The following FGF12 variants were observed in gnomAD, a reference collection of about 807,000 sequenced individuals.
The protein encoded by FGF12 is fibroblast growth factor 12, also known as fibroblast growth factor 12B.
A neutral mutation model predicts 23.6 loss-of-function variants in FGF12; 14 were observed. The ratio of observed to expected loss-of-function variants is 0.59; its 90% CI spans 0.39 to 0.93. The LOEUF is 0.93. Among genes scored for constraint, FGF12 ranks in the 40% least tolerant of loss-of-function variants. The probability of loss-of-function intolerance (pLI) is 0.00; values close to 1 mark genes in which losing one functional copy is unlikely to be tolerated. For missense variants in FGF12, 175 were observed against 217.8 expected (o/e 0.80, Z 1.24); for synonymous variants, 62 against 77.3 (o/e 0.80, Z 1.04).
rs1016705559 is a variant in FGF12, at chr3:192,394,107, T to C, written c.14-33569A>G. Among the ~76,000 whole-genome samples, 6 of 152,206 alleles carry C rather than the reference T, an allele frequency of 3.9e-5. No individual in the cohort carries two copies. In the East Asian group the frequency reaches 1.2e-3, roughly 29 times the overall value. On this transcript the variant is annotated intron_variant, in intron 2 of 5. Transcript: ENST00000445105. Reference sequence around the variant, plus strand: ...AGTCTCCAGCTTTCACTCAAAATCATGTGGTTCCTTTCCTGTCTGTTTTTT... The same window carrying C: ...AGTCTCCAGCTTTCACTCAAAATCACGTGGTTCCTTTCCTGTCTGTTTTTT...
intron 5 of FGF12, among the ~76,000 whole-genome samples, chr3:192,160,941 G>A (rs1212108283): frequency 6.6e-6 from 1 of 151,884 alleles, no homozygotes; most frequent in Non-Finnish European, 1.5e-5. Flanking sequence ...AATACTATAC[G>A]GTAGACAATA....
intron 2 of FGF12, among the ~76,000 whole-genome samples, chr3:192,701,792 T>C (rs758764590): frequency 3.0e-4 from 46 of 152,334 alleles, no homozygotes; most frequent in Non-Finnish European, 5.6e-4. Flanking sequence ...GTATACAACA[T>C]GATGTTTTCA....
chr3:192,337,442 G>C (rs1717474189), intron 3 of FGF12, among the ~76,000 whole-genome samples: 1 of 152,034 alleles, frequency 6.6e-6, no homozygotes, highest in South Asian at 2.1e-4. Flanking sequence ...ATATTGGGGG[G>C]AAATGAGAAA....
chr3:192,274,603 G>A (rs931491847), intron 4 of FGF12, among the ~76,000 whole-genome samples: 2 of 151,692 alleles, frequency 1.3e-5, no homozygotes, highest in African/African-American at 2.4e-5. Flanking sequence ...AAGAGAGAGA[G>A]ATAGAATATA....
intron 2 of FGF12, among the ~76,000 whole-genome samples, chr3:192,596,193 A>C (rs930544413): frequency 1.4e-5 from 2 of 144,732 alleles, no homozygotes; most frequent in African/African-American, 5.2e-5. Context: ...ATTTCTCATG[A>C]TGCCTACTCT....
chr3:192,329,950 GA>G (rs1476163539), intron 4 of FGF12, among the ~76,000 whole-genome samples: 1 of 152,016 alleles, frequency 6.6e-6, no homozygotes, highest in Non-Finnish European at 1.5e-5. Flanking sequence ...GATGCATTAA[GA>G]ACTTTTTATT....
chr3:192,194,630 A>G (rs187672811), intron 4 of FGF12, among the ~76,000 whole-genome samples: 8 of 152,290 alleles, frequency 5.3e-5, no homozygotes, highest in African/African-American at 1.9e-4. Context: ...CATGACTATC[A>G]TATGGATGGA....
At chr3:192,256,885 G>A (rs1712429720) in intron 4 of FGF12, among the ~76,000 whole-genome samples, 1 of 152,188 alleles carries the variant, frequency 6.6e-6, no homozygotes, top group East Asian at 1.9e-4. Context: ...GCTTGGATCT[G>A]GTTAGTGACT....
intron 5 of FGF12, among the ~76,000 whole-genome samples, chr3:192,169,516 G>A (rs192548757): frequency 2.0e-5 from 3 of 152,188 alleles, no homozygotes; most frequent in East Asian, 3.9e-4. Flanking sequence ...TGCAGTCACC[G>A]TGCTATGTAC....
At chr3:192,583,602 C>T (rs1193832725) in intron 2 of FGF12, among the ~76,000 whole-genome samples, 2 of 151,820 alleles carry the variant, frequency 1.3e-5, no homozygotes, top group East Asian at 3.9e-4. Flanking sequence ...TAAAATGGAT[C>T]AGAAAAAAAA....
At chr3:192,519,612 T>C (rs1340252163) in intron 2 of FGF12, among the ~76,000 whole-genome samples, 1 of 152,220 alleles carries the variant, frequency 6.6e-6, no homozygotes, top group African/African-American at 2.4e-5. Flanking sequence ...CTATTTTTCC[T>C]CAAACTTTTA....
At chr3:192,720,945 G>A (rs577861199) in intron 2 of FGF12, among the ~76,000 whole-genome samples, 4 of 152,140 alleles carry the variant, frequency 2.6e-5, no homozygotes, top group Admixed American at 6.5e-5. Context: ...CACAGTTTAT[G>A]TTTTAAACCC....
chr3:192,186,413 G>C (rs145468540), intron 4 of FGF12, among the ~76,000 whole-genome samples: 5 of 152,306 alleles, frequency 3.3e-5, no homozygotes, highest in African/African-American at 1.2e-4. Context: ...AATACTTAGT[G>C]ACATGTACAT....
At position 192,656,991 on chromosome 3, in the gene FGF12, G is replaced by A. The variant is rs144448465; in HGVS notation, c.13+70190C>T. 8.2e-3 allele frequency among the ~76,000 whole-genome samples: 1,251 copies of A among 152,224 alleles called. 21 individuals carry two copies. The highest frequency in any genetic ancestry group is 0.029 in the African/African-American group (1,219 of 41,532). On this transcript the variant is annotated intron_variant, in intron 2 of 5. Coordinates refer to ENST00000445105, the MANE Select transcript of FGF12 (RefSeq NM_004113.6). ...ATTAGTATAAAGTCTCACGGCCAAG[G>A]TCACAGCACTTATAAACAACAGAGG...
chr3:192,225,025 T>C (rs1202767260), intron 4 of FGF12, among the ~76,000 whole-genome samples: 3 of 152,026 alleles, frequency 2.0e-5, no homozygotes, highest in Non-Finnish European at 1.5e-5. Context: ...CCATCCTTAC[T>C]ACAGGCCACA....
intron 2 of FGF12, among the ~76,000 whole-genome samples, chr3:192,643,445 G>A (rs1209566688): frequency 2.0e-5 from 3 of 152,058 alleles, no homozygotes; most frequent in Non-Finnish European, 1.5e-5. Flanking sequence ...CTGCAATCTG[G>A]CCCCAATCTA....
At chr3:192,431,263 C>A (rs1721850886) in intron 2 of FGF12, among the ~76,000 whole-genome samples, 1 of 152,116 alleles carries the variant, frequency 6.6e-6, no homozygotes, top group Non-Finnish European at 1.5e-5. Context: ...TTCAGCGGTA[C>A]CTGTAAGCAG....
At chr3:192,241,409 T>A (rs962793286) in intron 4 of FGF12, among the ~76,000 whole-genome samples, 1 of 152,020 alleles carries the variant, frequency 6.6e-6, no homozygotes, top group Non-Finnish European at 1.5e-5. Flanking sequence ...GTATTTAATA[T>A]CTCAAAGGAA....
intron 2 of FGF12, among the ~76,000 whole-genome samples, chr3:192,495,353 C>A (rs1723923244): frequency 1.3e-5 from 2 of 152,114 alleles, no homozygotes; most frequent in Admixed American, 1.3e-4. Flanking sequence ...TACTTTGCAT[C>A]ACAAGTAGTA....
Sources: allele counts gnomAD v4.1 joint callset (sites outside exome capture counted in the v4.1 genomes callset), GRCh38; gene constraint gnomAD v4.1.1; transcripts MANE v1.5; gene names NCBI Gene and HGNC (gene_info 2026-07-23, HGNC 2026-07-21).